Variants in NPTX2 observed in about 807,000 individuals in gnomAD.
The protein encoded by NPTX2 is neuronal pentraxin-2.
NPTX2 carries 23 observed loss-of-function variants against 38.1 expected under a neutral mutation model. That is an observed-to-expected ratio of 0.60 (90% CI 0.43 to 0.85). NPTX2 has a LOEUF of 0.85. Ranked by LOEUF, NPTX2 falls within the 40% of genes least tolerant of loss-of-function variation. NPTX2 has a pLI of 0.00. For missense variants in NPTX2, 553 were observed against 615.3 expected, an observed-to-expected ratio of 0.90 and a Z score of 1.07; for synonymous variants, 291 against 287.3, an observed-to-expected ratio of 1.01 and a Z score of -0.13.
At chr7:98,620,082 G>C in intron 2 of NPTX2, 1 of 579,460 alleles carries the variant, frequency 1.7e-6, no homozygotes, top group Non-Finnish European at 3.1e-6. Context: ...TCCAGGACCA[G>C]CTTCGATAAG....
rs1227330494 is a variant in NPTX2, at chr7:98,617,429, C to G, written c.-33C>G. On this transcript the variant is annotated 5_prime_UTR_variant, in exon 1 of 5. Transcript: ENST00000265634. ...GAGCGCCCCGACGGCGCCCGCTCGC[C>G]CATGCCGAGCTGAGCGCGGCAGCGG... 1.3e-6 allele frequency: 1 copy of G among 786,188 alleles called. No homozygotes were observed. Among genetic ancestry groups the G allele is most frequent in the African/African-American group, 1.8e-5 (1 of 54,662 alleles). 48.7% of individuals were successfully genotyped at this position (786,188 alleles called of 1,614,324 possible).
chr7:98,628,178 G>A (rs563624451), intron 4 of NPTX2, among the ~76,000 whole-genome samples: 1 of 152,252 alleles, frequency 6.6e-6, no homozygotes, highest in East Asian at 1.9e-4. Flanking sequence ...TTTGAGCAGT[G>A]TCTTCCCTTA....
intron 3 of NPTX2, among the ~76,000 whole-genome samples, chr7:98,626,195 T>A (rs1791347078): frequency 6.9e-6 from 1 of 145,172 alleles, no homozygotes; most frequent in Non-Finnish European, 1.5e-5. Flanking sequence ...CCTGGGGACC[T>A]CTCACAGCCC....
In NPTX2 at chr7:98,624,820, A is replaced by T. The variant is rs1008330803; in HGVS notation, c.644-102A>T. The T allele has an allele frequency of 6.8e-5, 98 of 1,437,958 alleles. 1 individual carries two copies. The highest frequency in any genetic ancestry group is 5.5e-4 in the Middle Eastern group (3 of 5,498). The allele number at this position is 1,437,958 out of a possible 1,614,324, so 89.1% of individuals were successfully genotyped here. Reference sequence around the variant, plus strand: ...CTGGAGGGTCCATCAAGGCTGTGTGAGGGACCTTCTTGTGGGTCTAGCAAG... The same window carrying T: ...CTGGAGGGTCCATCAAGGCTGTGTGTGGGACCTTCTTGTGGGTCTAGCAAG... On this transcript the variant is annotated intron_variant, in intron 2 of 4. Coordinates refer to ENST00000265634, the MANE Select transcript of NPTX2 (RefSeq NM_002523.3).
rs371517261 is a variant in NPTX2, at chr7:98,619,762, C to T, written c.546C>T (p.Asp182=). ...TGCGCAAGGTGGCAGAGCTGGAGGA[C>T]GAGAAGTCCCTGCTGCACAATGAGA... ...QLLRKVAELE[D]EKSLLHNETS... Residue 182 remains aspartate (D), a synonymous_variant, in exon 2 of 5, where the codon GAC becomes GAT. Coordinates refer to ENST00000265634, the MANE Select transcript of NPTX2 (RefSeq NM_002523.3). The T allele has an allele frequency of 2.7e-5, 43 of 1,613,420 alleles. No individual in the cohort carries two copies. The African/African-American group carries it at 3.3e-4, about 13-fold the overall frequency.
Position 98,628,931 on chromosome 7 carries a change from C to A in NPTX2, c.*302C>A. ...AGTGGAGGCAGGTCCAGCAGCCCCT[C>A]TTCAGAGCCCCTGTAAATGCTATCG... On this transcript the variant is annotated 3_prime_UTR_variant, in exon 5 of 5. Coordinates refer to ENST00000265634, the MANE Select transcript of NPTX2 (RefSeq NM_002523.3). 3.3e-6 allele frequency: 1 copy of A among 305,220 alleles called. No individual in the cohort carries two copies. Among genetic ancestry groups the A allele is most frequent in the Non-Finnish European group, 6.1e-6 (1 of 164,650 alleles). 18.9% of individuals were successfully genotyped at this position (305,220 alleles called of 1,614,324 possible). A position where few individuals can be genotyped will look rare whatever the true frequency, so the allele number is the denominator to read the frequency against.
intron 2 of NPTX2, among the ~76,000 whole-genome samples, chr7:98,624,703 C>T (rs1299049233): frequency 6.6e-6 from 1 of 152,152 alleles, no homozygotes; most frequent in Non-Finnish European, 1.5e-5. Context: ...AATGTAAGCT[C>T]CCTAAGGACA....
At chr7:98,621,356 G>C (rs1791266545) in intron 2 of NPTX2, among the ~76,000 whole-genome samples, 1 of 152,138 alleles carries the variant, frequency 6.6e-6, no homozygotes, top group Non-Finnish European at 1.5e-5. Context: ...CCTCTACGAG[G>C]GCAAAGACGC....
intron 4 of NPTX2, 62 bp from the exon 5 acceptor site, chr7:98,628,340 G>T (rs1791386793): frequency 5.3e-6 from 4 of 749,790 alleles, no homozygotes; most frequent in Non-Finnish European, 9.3e-6. Flanking sequence ...CCTGTCTGCA[G>T]CCCGTGTGCA....
chr7:98,626,146 C>CAAA (rs561364197), intron 3 of NPTX2, among the ~76,000 whole-genome samples: 3 of 71,384 alleles, frequency 4.2e-5, no homozygotes, highest in African/African-American at 8.7e-5. Context: ...TACCCTGTCT[C>CAAA]AAAAAAAAAA....
rs1350503914 is a variant in NPTX2, at chr7:98,629,121, C to G, written c.*492C>G. Reference sequence around the variant, plus strand: ...TCGCAGCAAGCGGCTACCCCCCGATCTGCAAAAGGGCCTCTCCCTTTGTGT... The same window carrying G: ...TCGCAGCAAGCGGCTACCCCCCGATGTGCAAAAGGGCCTCTCCCTTTGTGT... On this transcript the variant is annotated 3_prime_UTR_variant, in exon 5 of 5. Coordinates refer to ENST00000265634, the MANE Select transcript of NPTX2 (RefSeq NM_002523.3). The G allele has an allele frequency of 6.5e-6, 1 of 153,540 alleles. No homozygotes were observed. Among genetic ancestry groups the G allele is most frequent in the Non-Finnish European group, 1.4e-5 (1 of 69,020 alleles). 9.5% of individuals were successfully genotyped at this position (153,540 alleles called of 1,614,324 possible). A position where few individuals can be genotyped will look rare whatever the true frequency, so the allele number is the denominator to read the frequency against.
chr7:98,627,114 C>T (rs561413276), intron 3 of NPTX2, 51 bp from the exon 4 acceptor site: 7 of 1,361,890 alleles, frequency 5.1e-6, no homozygotes, highest in Non-Finnish European at 4.1e-6. Flanking sequence ...CCCTGGGGGA[C>T]CCTGAGGGCG....
Position 98,619,811 on chromosome 7 carries a change from G to C in NPTX2, c.595G>C (p.Glu199Gln). ...NETSAHRQKT[E>Q]STLNALLQRV... ...GACCTCGGCTCACCGGCAGAAGACC[G>C]AGAGCACCCTGAACGCGCTGCTGCA... Residue 199 changes from glutamate to glutamine, a missense_variant, in exon 2 of 5, where the codon GAG becomes CAG. Transcript: ENST00000265634. 8 of 1,613,906 alleles carry C rather than the reference G, an allele frequency of 5.0e-6. No homozygotes were observed. The highest frequency in any genetic ancestry group is 5.9e-6 in the Non-Finnish European group (7 of 1,180,038).
chr7:98,617,860 C>A lies in NPTX2; in HGVS notation c.399C>A (p.Thr133=), dbSNP rs1020344711. The A allele has an allele frequency of 1.3e-6, 2 of 1,556,802 alleles. No homozygotes were observed. The highest frequency in any genetic ancestry group is 1.4e-5 in the African/African-American group (1 of 73,716). The change falls in exon 1 of 5, where the codon ACC becomes ACA. Residue 133 remains threonine (T), a synonymous_variant. Transcript: ENST00000265634. ...AGCAGCTCAGCCGCTCGCTGCAGAC[C>A]CTCAAGGACCGCCTGGAGAGCCTCG... ...VVEQLSRSLQ[T]LKDRLESLEH...
In NPTX2 at chr7:98,617,293, G is replaced by T. The variant is rs1445317264; in HGVS notation, c.-169G>T. ...CGCGGACCCGGCAGGCCAGAGTGCCGAGCAGCGCGGTGGGTGCGGCTGTGA... is the reference window on the plus strand; with the variant it reads ...CGCGGACCCGGCAGGCCAGAGTGCCTAGCAGCGCGGTGGGTGCGGCTGTGA... On this transcript the variant is annotated 5_prime_UTR_variant, in exon 1 of 5. Transcript: ENST00000265634. The T allele has an allele frequency of 1.8e-5, 5 of 276,124 alleles. No homozygotes were observed. The highest frequency in any genetic ancestry group is 1.7e-4 in the South Asian group (1 of 5,946). 17.1% of individuals were successfully genotyped at this position (276,124 alleles called of 1,614,324 possible). A position where few individuals can be genotyped will look rare whatever the true frequency, so the allele number is the denominator to read the frequency against.
In NPTX2 at chr7:98,617,848, C is replaced by T; in HGVS notation, c.387C>T (p.Arg129=). ...GCCACGTCGTGGAGCAGCTCAGCCGCTCGCTGCAGACCCTCAAGGACCGCC... is the reference window on the plus strand; with the variant it reads ...GCCACGTCGTGGAGCAGCTCAGCCGTTCGCTGCAGACCCTCAAGGACCGCC... ...DPGHVVEQLS[R]SLQTLKDRLE... The change falls in exon 1 of 5, where the codon CGC becomes CGT. Residue 129 remains arginine, a synonymous_variant. Transcript: ENST00000265634. The T allele has an allele frequency of 6.4e-7, 1 of 1,555,702 alleles. No homozygotes were observed. Among genetic ancestry groups the T allele is most frequent in the East Asian group, 2.4e-5 (1 of 42,388 alleles).
intron 3 of NPTX2, among the ~76,000 whole-genome samples, chr7:98,626,383 G>C (rs924606354): frequency 6.6e-6 from 1 of 151,990 alleles, no homozygotes; most frequent in South Asian, 2.1e-4. Flanking sequence ...ACTGCCCTGG[G>C]TGGAGTCTGT....
chr7:98,618,946 C>A (rs1314239521), intron 1 of NPTX2, among the ~76,000 whole-genome samples: 1 of 151,966 alleles, frequency 6.6e-6, no homozygotes, highest in Non-Finnish European at 1.5e-5. Flanking sequence ...ATTTTTTAAT[C>A]CTTGGAACAA....
intron 2 of NPTX2, among the ~76,000 whole-genome samples, chr7:98,622,745 TC>T (rs1562850009): frequency 6.6e-6 from 1 of 152,224 alleles, no homozygotes; most frequent in Non-Finnish European, 1.5e-5. Flanking sequence ...GAGCAGGTCT[TC>T]CCAGCCCTCG....
Sources: gnomAD v4.1 joint callset for allele counts (sites outside exome capture counted in the v4.1 genomes callset) on GRCh38, gnomAD v4.1.1 for gene constraint, MANE v1.5 for transcripts, NCBI Gene and HGNC (gene_info 2026-07-23, HGNC 2026-07-21) for gene names.